Variants in THOC2 observed in about 807,000 individuals in gnomAD.
THOC2 encodes the protein THO complex 2.
A neutral mutation model predicts 128.4 loss-of-function variants in THOC2; 10 were observed. The observed-to-expected ratio is 0.08, with a 90% CI of 0.05 to 0.13. The LOEUF (loss-of-function observed/expected upper bound fraction) is 0.13, where lower values mean the gene tolerates loss of function less well. Among genes scored for constraint, THOC2 ranks in the 10% least tolerant of loss-of-function variants. The pLI is 1.00. For missense variants in THOC2, 535 were observed against 1,155.7 expected (o/e 0.46, Z 7.79); for synonymous variants, 393 against 396.9 (o/e 0.99, Z 0.12).
Position 123,709,584 on chromosome X carries a change from C to G in THOC2, c.131-2635G>C, listed in dbSNP as rs1178312298. 1.8e-5 allele frequency among the ~76,000 whole-genome samples: 2 copies of G among 111,352 alleles called. 1 individual carries two copies. Among genetic ancestry groups the G allele is most frequent in the South Asian group, 7.6e-4 (2 of 2,629 alleles). ...CCAGCCTGGGCGATAGAGCGGGAGA[C>G]TCTGTCTCAAAAAAAAGGCCCCGAG... is the stretch of plus-strand genomic sequence containing the variant. On this transcript the variant is annotated intron_variant, in intron 2 of 38. Coordinates refer to ENST00000245838, the MANE Select transcript of THOC2 (RefSeq NM_001081550.2).
chrX:123,603,346 G>A (rs1331037297), intron 38 of THOC2: 3 of 265,780 alleles, frequency 1.1e-5, no homozygotes, highest in Non-Finnish European at 2.0e-5. Context: ...AATGTCAAAA[G>A]TATAGGAGTT....
At chrX:123,692,494 CTTTTTT>C (rs984272905) in intron 7 of THOC2, among the ~76,000 whole-genome samples, 1 of 56,911 alleles carries the variant, frequency 1.8e-5, no homozygotes, top group Non-Finnish European at 3.0e-5. Context: ...AAATAACTGC[CTTTTTT>C]TTTTTTTTTT....
Position 123,621,401 on chromosome X carries a change from A to G in THOC2, c.3972T>C (p.Ser1324=), listed in dbSNP as rs757040093. The G allele has an allele frequency of 8.3e-7, 1 of 1,210,290 alleles. No homozygotes were observed. The highest frequency in any genetic ancestry group is 3.0e-5 in the East Asian group (1 of 33,799). The change falls in exon 31 of 39, where the codon TCT becomes TCC. Residue 1324 remains serine (S), a synonymous_variant. Coordinates refer to ENST00000245838, the MANE Select transcript of THOC2 (RefSeq NM_001081550.2). ...ARETKERTPK[S]DKEKEKFKKE... ...TCTTGAATTTTTCTTTCTCTTTGTCAGACTTCGGCGTTCTTTCCTTGGTCT... is the reference window on the plus strand; with the variant it reads ...TCTTGAATTTTTCTTTCTCTTTGTCGGACTTCGGCGTTCTTTCCTTGGTCT...
chrX:123,614,208 A>AT lies in THOC2; in HGVS notation c.4312-20dup. 1 of 1,107,414 alleles carries AT rather than the reference A, an allele frequency of 9.0e-7. No individual in the cohort carries two copies. The highest frequency in any genetic ancestry group is 1.2e-6 in the Non-Finnish European group (1 of 835,227). 91.3% of individuals were successfully genotyped at this position (1,107,414 alleles called of 1,213,427 possible). A position where few individuals can be genotyped will look rare whatever the true frequency, so the allele number is the denominator to read the frequency against. Reference sequence around the variant, plus strand: ...TGTAGAGCTGTTAAATTAAGGCAATATTACTAAAGATTATTAGTTTTCCAG... The same window carrying AT: ...TGTAGAGCTGTTAAATTAAGGCAATATTTACTAAAGATTATTAGTTTTCCAG... On this transcript the variant is annotated intron_variant, in intron 33 of 38. Coordinates refer to ENST00000245838, the MANE Select transcript of THOC2 (RefSeq NM_001081550.2).
At chrX:123,694,431 A>G (rs1281352063) in intron 7 of THOC2, among the ~76,000 whole-genome samples, 1 of 110,046 alleles carries the variant, frequency 9.1e-6, no homozygotes, top group Non-Finnish European at 1.9e-5. Flanking sequence ...CCTGGCCAAC[A>G]TGGCAAAACT....
chrX:123,629,211 ACACACAC>A (rs911228403), intron 22 of THOC2, among the ~76,000 whole-genome samples: 10 of 95,333 alleles, frequency 1.0e-4, no homozygotes, highest in Admixed American at 4.6e-4. Flanking sequence ...ACATGAACAC[ACACACAC>A]ACACACACAC....
intron 12 of THOC2, among the ~76,000 whole-genome samples, chrX:123,654,394 T>G (rs1184185907): frequency 9.2e-6 from 1 of 108,157 alleles, no homozygotes; most frequent in African/African-American, 3.4e-5. Flanking sequence ...TCCCAGAACT[T>G]AAAGTATAAT....
chrX:123,633,624 G>A (rs764592811), intron 20 of THOC2, among the ~76,000 whole-genome samples: 9 of 111,054 alleles, frequency 8.1e-5, no homozygotes, highest in Non-Finnish European at 1.7e-4. Context: ...GGTTGGTCTC[G>A]AACTCCTGAC....
At chrX:123,657,728 G>A (rs1399302244) in intron 12 of THOC2, among the ~76,000 whole-genome samples, 1 of 110,830 alleles carries the variant, frequency 9.0e-6, no homozygotes, top group Non-Finnish European at 1.9e-5. Context: ...GACAAAAACT[G>A]AGGGAATTTG....
At chrX:123,692,329 C>A (rs921371824) in intron 7 of THOC2, among the ~76,000 whole-genome samples, 4 of 111,176 alleles carry the variant, frequency 3.6e-5, no homozygotes, top group African/African-American at 1.3e-4. Context: ...GTTCACTATT[C>A]ATTCGTATTT....
chrX:123,611,600 T>G, intron 36 of THOC2, 84 bp from the exon 37 acceptor site: 11 of 557,737 alleles, frequency 2.0e-5, no homozygotes, highest in Non-Finnish European at 2.9e-5. Context: ...ACCCGCGAGC[T>G]ATATTTGTCT....
chrX:123,680,134 A>AGTTGAGACAAGAGGAAGGCATCTGTCTGC lies in THOC2; in HGVS notation c.768+6413_768+6414insGCAGACAGATGCCTTCCTCTTGTCTCAAC, dbSNP rs1471345373. ...AAAAGAGGAAGGAACGCCTCGTTGCAGTTGAGACAAGAGGAAGGCATCTGT... is the reference window on the plus strand; with the variant it reads ...AAAAGAGGAAGGAACGCCTCGTTGCAGTTGAGACAAGAGGAAGGCATCTGTCTGCGTTGAGACAAGAGGAAGGCATCTGT... On this transcript the variant is annotated intron_variant, in intron 8 of 38. Coordinates refer to ENST00000245838, the MANE Select transcript of THOC2 (RefSeq NM_001081550.2). 7.2e-5 allele frequency among the ~76,000 whole-genome samples: 8 copies of AGTTGAGACAAGAGGAAGGCATCTGTCTGC among 110,546 alleles called. No individual in the cohort carries two copies. In the Admixed American group the frequency reaches 7.7e-4, roughly 11 times the overall value.
In THOC2 at chrX:123,711,891, G is replaced by A. The variant is rs373948521; in HGVS notation, c.130+959C>T. ...TGCTTGAGCCCAGGAGTTTGAAGCC[G>A]CAGTGAGCTATGATTACACCACCAC... On this transcript the variant is annotated intron_variant, in intron 2 of 38. Coordinates refer to ENST00000245838, the MANE Select transcript of THOC2 (RefSeq NM_001081550.2). Among the ~76,000 whole-genome samples the A allele has an allele frequency of 1.8e-4, 18 of 99,707 alleles. No homozygotes were observed. In the South Asian group the frequency reaches 3.9e-3, roughly 21 times the overall value. The allele number at this position is 99,707 out of a possible 115,157, so 86.6% of individuals were successfully genotyped here.
At chrX:123,711,958 TAAA>T (rs55916247) in intron 2 of THOC2, among the ~76,000 whole-genome samples, 11 of 46,853 alleles carry the variant, frequency 2.3e-4, no homozygotes, top group Admixed American at 7.2e-4. Flanking sequence ...CTGTCTACTT[TAAA>T]AAAAAAAAAA....
intron 4 of THOC2, among the ~76,000 whole-genome samples, chrX:123,700,743 C>T (rs1302522519): frequency 8.9e-6 from 1 of 112,025 alleles, no homozygotes. Flanking sequence ...TTCGCTGAAC[C>T]TCATTTTTCT....
intron 38 of THOC2, among the ~76,000 whole-genome samples, chrX:123,606,421 G>A (rs761786606): frequency 1.8e-5 from 2 of 110,418 alleles, no homozygotes; most frequent in African/African-American, 6.6e-5. Context: ...GTGAAACCCC[G>A]TCTATACTGA....
In THOC2 at chrX:123,647,771, G is replaced by T. The variant is rs180927184; in HGVS notation, c.1387-2396C>A. ...AATCGCTTGAACCTGGGAGGTGGAG[G>T]TTGAGGTTGCAGTGAGCCTAGATCA... On this transcript the variant is annotated intron_variant, in intron 12 of 38. Coordinates refer to ENST00000245838, the MANE Select transcript of THOC2 (RefSeq NM_001081550.2). 6.4e-3 allele frequency among the ~76,000 whole-genome samples: 633 copies of T among 99,480 alleles called. 4 individuals carry two copies. The highest frequency in any genetic ancestry group is 0.021 in the African/African-American group (584 of 27,224). The allele number at this position is 99,480 out of a possible 115,157, so 86.4% of individuals were successfully genotyped here. A position where few individuals can be genotyped will look rare whatever the true frequency, so the allele number is the denominator to read the frequency against.
intron 3 of THOC2, among the ~76,000 whole-genome samples, chrX:123,703,983 T>C (rs2050823167): frequency 9.3e-6 from 1 of 106,998 alleles, no homozygotes; most frequent in Non-Finnish European, 1.9e-5. Flanking sequence ...TGACAAATAT[T>C]AAAATTCTTC....
chrX:123,693,609 CAAG>C (rs2050321403), intron 7 of THOC2, among the ~76,000 whole-genome samples: 1 of 111,124 alleles, frequency 9.0e-6, no homozygotes, highest in Non-Finnish European at 1.9e-5. Context: ...ATAGATTATA[CAAG>C]AATAGAGGAA....
Sources: gnomAD v4.1 joint callset for allele counts (sites outside exome capture counted in the v4.1 genomes callset) on GRCh38, gnomAD v4.1.1 for gene constraint, MANE v1.5 for transcripts, NCBI Gene and HGNC (gene_info 2026-07-23, HGNC 2026-07-21) for gene names.